The following CFAP69 variants were observed in gnomAD, a reference collection of about 807,000 sequenced individuals.
CFAP69 encodes the protein cilia- and flagella-associated protein 69.
Under a neutral mutation model 123.0 loss-of-function variants are expected in CFAP69, and 92 were observed. The observed-to-expected ratio is 0.75, with a 90% confidence interval of 0.63 to 0.89. The LOEUF is 0.89. Among genes scored for constraint, CFAP69 ranks in the 40% least tolerant of loss-of-function variants. The pLI is 0.00. For missense variants in CFAP69, 1,067 were observed against 1,096.9 expected (o/e 0.97, Z 0.39); for synonymous variants, 380 against 364.3 (o/e 1.04, Z -0.49).
chr7:90,245,416 C>T lies in CFAP69; in HGVS notation c.-9C>T, dbSNP rs201489884. 5.8e-5 allele frequency: 89 copies of T among 1,541,374 alleles called. No individual in the cohort carries two copies. The highest frequency in any genetic ancestry group is 7.5e-5 in the Non-Finnish European group (86 of 1,145,642). Reference sequence around the variant, plus strand: ...GATCCCCCCACTCTCCACCCCGCCGCCACCGGCCATGTGGACAGAGGAAGC... The same window carrying T: ...GATCCCCCCACTCTCCACCCCGCCGTCACCGGCCATGTGGACAGAGGAAGC... On this transcript the variant is annotated 5_prime_UTR_variant, in exon 1 of 23. Transcript: ENST00000389297.
chr7:90,322,972 A>C, the CFAP69 span, among the ~76,000 whole-genome samples: 11 of 152,230 alleles, frequency 7.2e-5, no homozygotes, highest in African/African-American at 2.7e-4. Context: ...TAACAAAGCC[A>C]TTTCAAGGAA....
intron 13 of CFAP69, among the ~76,000 whole-genome samples, chr7:90,284,973 G>C (rs1790049277): frequency 6.6e-6 from 1 of 152,098 alleles, no homozygotes; most frequent in Non-Finnish European, 1.5e-5. Context: ...AGAAGAAACT[G>C]GGAGAAATAG....
At chr7:90,274,206 T>C (rs1218396497) in intron 9 of CFAP69, 96 bp downstream of exon 9, 6 of 1,427,618 alleles carry the variant, frequency 4.2e-6, no homozygotes, top group Middle Eastern at 2.4e-4. Flanking sequence ...GTGTATTTTC[T>C]TGTAATGCTA....
chr7:90,319,770 G>A, the CFAP69 span: 4 of 398,282 alleles, frequency 1.0e-5, no homozygotes, highest in African/African-American at 6.2e-5. Context: ...AAAAAAAAAT[G>A]AGAGAGGATA....
At position 90,280,646 on chromosome 7, in the gene CFAP69, C is replaced by G. The variant is rs368779556; in HGVS notation, c.1372+753C>G. On this transcript the variant is annotated intron_variant, in intron 12 of 22. Coordinates refer to ENST00000389297, the MANE Select transcript of CFAP69 (RefSeq NM_001039706.3). ...TCTATGGAGCTTAAAATCTAGATCT[C>G]TAGCCAGAAGTAATGACTCCAGTGT... Among the ~76,000 whole-genome samples, 151 of 152,328 alleles carry G rather than the reference C, an allele frequency of 9.9e-4. 4 individuals carry two copies. The South Asian group carries it at 0.031, about 31-fold the overall frequency.
chr7:90,310,224 A>C lies in CFAP69; in HGVS notation c.2812A>C (p.Ser938Arg). The C allele has an allele frequency of 5.0e-6, 8 of 1,613,312 alleles. No homozygotes were observed. The highest frequency in any genetic ancestry group is 6.8e-6 in the Non-Finnish European group (8 of 1,179,550). ...TAAAATTGTGGATGCACCAAAAAAG[A>C]GTATTCCTACGTAATATACTATAGA... ...AVKIVDAPKK[S>R]IPT The change falls in exon 23 of 23, where the codon AGT becomes CGT. Residue 938 changes from serine to arginine, a missense_variant. By Grantham distance (110) the Ser-to-Arg change is moderately radical (BLOSUM62 -1). Coordinates refer to ENST00000389297, the MANE Select transcript of CFAP69 (RefSeq NM_001039706.3).
the CFAP69 span, among the ~76,000 whole-genome samples, chr7:90,323,262 A>G: frequency 6.6e-6 from 1 of 152,206 alleles, no homozygotes; most frequent in African/African-American, 2.4e-5. Context: ...ATCTGGCAAA[A>G]TGATGACAAA....
At chr7:90,319,104 C>T in the CFAP69 span, 2 of 317,814 alleles carry the variant, frequency 6.3e-6, no homozygotes, top group African/African-American at 2.1e-5. Flanking sequence ...CATGGGCAAA[C>T]AAGGATAATT....
At position 90,288,303 on chromosome 7, in the gene CFAP69, A is replaced by G. The variant is rs1429613387; in HGVS notation, c.1726A>G (p.Ser576Gly). ...GAAAACAGACCCCAGGAAGTTACAG[A>G]GTGGCTTAGGCTATAATGTACTTCT... ...VMKTDPRKLQ[S>G]GLGYNVLLFS... Residue 576 changes from serine to glycine, a missense_variant, in exon 15 of 23, where the codon AGT (serine) becomes GGT (glycine). Ser to Gly is a moderately conservative substitution (Grantham distance 56, BLOSUM62 0). Transcript: ENST00000389297. 1.9e-6 allele frequency: 3 copies of G among 1,612,504 alleles called. No homozygotes were observed. Among genetic ancestry groups the G allele is most frequent in the Admixed American group, 1.7e-5 (1 of 59,976 alleles).
At chr7:90,275,623 A>G (rs1788489689) in intron 9 of CFAP69, among the ~76,000 whole-genome samples, 1 of 58,574 alleles carries the variant, frequency 1.7e-5, no homozygotes, top group Non-Finnish European at 3.1e-5. Context: ...TTTTTTTGAG[A>G]CGGAATCTTG....
downstream of CFAP69, among the ~76,000 whole-genome samples, chr7:90,311,578 A>G (rs532112946): frequency 9.2e-5 from 14 of 152,258 alleles, no homozygotes; most frequent in East Asian, 2.3e-3. Context: ...ACCTCAATGT[A>G]CCCACATTTT....
chr7:90,309,499 C>G lies in CFAP69; in HGVS notation c.2655+132C>G, dbSNP rs1051953163. Reference sequence around the variant, plus strand: ...TGGATTGTGTGGTATTGAATTATATCTCAATAAAACTGTTCAAAAAAAATT... The same window carrying G: ...TGGATTGTGTGGTATTGAATTATATGTCAATAAAACTGTTCAAAAAAAATT... On this transcript the variant is annotated intron_variant, in intron 22 of 22. Coordinates refer to ENST00000389297, the MANE Select transcript of CFAP69 (RefSeq NM_001039706.3). 1.1e-5 allele frequency: 5 copies of G among 436,004 alleles called. No individual in the cohort carries two copies. The Admixed American group carries it at 2.1e-4, about 18-fold the overall frequency. 27.0% of individuals were successfully genotyped at this position (436,004 alleles called of 1,614,324 possible).
At chr7:90,295,086 C>A (rs13239439) in intron 15 of CFAP69, among the ~76,000 whole-genome samples, 75,782 of 151,978 alleles carry the variant, frequency 0.5, 19,863 homozygotes, top group Non-Finnish European at 0.59. Flanking sequence ...GAGGAAAAAG[C>A]TTCCTCTGTC....
intron 13 of CFAP69, among the ~76,000 whole-genome samples, chr7:90,285,281 G>A (rs1790100207): frequency 6.6e-6 from 1 of 152,054 alleles, no homozygotes; most frequent in South Asian, 2.1e-4. Flanking sequence ...TCATCCTAAT[G>A]GGACCTAGAA....
intron 5 of CFAP69, among the ~76,000 whole-genome samples, chr7:90,266,663 A>C (rs1799206481): frequency 6.6e-6 from 1 of 152,074 alleles, no homozygotes; most frequent in Non-Finnish European, 1.5e-5. Context: ...ATCTCATATG[A>C]CAACAGTATG....
At chr7:90,315,903 G>T (rs1303071403), downstream of CFAP69, among the ~76,000 whole-genome samples, 1 of 152,168 alleles carries the variant, frequency 6.6e-6, no homozygotes, top group Non-Finnish European at 1.5e-5. Flanking sequence ...GACCAGACTG[G>T]TGAACCTGGT....
chr7:90,290,779 T>TCTTTC (rs1350700971), intron 15 of CFAP69, among the ~76,000 whole-genome samples: 1 of 126,388 alleles, frequency 7.9e-6, no homozygotes, highest in Admixed American at 8.1e-5. Flanking sequence ...TCTTTTCTTT[T>TCTTTC]CTTTTCTTTT....
chr7:90,255,789 G>A (rs1340742471), intron 2 of CFAP69, among the ~76,000 whole-genome samples: 1 of 152,142 alleles, frequency 6.6e-6, no homozygotes, highest in Non-Finnish European at 1.5e-5. Context: ...TTGTTACCTA[G>A]TAGGATTGGA....
intron 19 of CFAP69, among the ~76,000 whole-genome samples, chr7:90,305,461 T>C (rs1377654500): frequency 2.0e-5 from 3 of 151,384 alleles, no homozygotes; most frequent in African/African-American, 4.8e-5. Flanking sequence ...GGCATGATCT[T>C]GGCTCAATGC....
Sources: allele counts gnomAD v4.1 joint callset (sites outside exome capture counted in the v4.1 genomes callset), GRCh38; gene constraint gnomAD v4.1.1; transcripts MANE v1.5; gene names NCBI Gene and HGNC (gene_info 2026-07-23, HGNC 2026-07-21).